VPS37A: variants seen among roughly 807,000 people sequenced by gnomAD.
VPS37A encodes vacuolar protein sorting-associated protein 37A.
A neutral mutation model predicts 49.8 loss-of-function variants in VPS37A; 30 were observed. That is an observed-to-expected ratio of 0.60 (90% CI 0.45 to 0.82). The LOEUF is 0.82. VPS37A is among the 40% of genes least tolerant of loss of function. The pLI is 0.00. For missense variants in VPS37A, 593 were observed against 464.4 expected (o/e 1.28, Z -2.55); for synonymous variants, 195 against 160.6 (o/e 1.21, Z -1.62).
downstream of VPS37A, chr8:17,305,829 A>T: frequency 6.2e-7 from 1 of 1,613,752 alleles, no homozygotes; most frequent in Non-Finnish European, 8.5e-7. Context: ...GTGATGTTGA[A>T]TGTGAATCAA....
the VPS37A span, among the ~76,000 whole-genome samples, chr8:17,323,893 A>G: frequency 1.3e-5 from 2 of 152,220 alleles, no homozygotes; most frequent in African/African-American, 2.4e-5. Context: ...AAAATCTGCC[A>G]TCTTGGTTAA....
the VPS37A span, among the ~76,000 whole-genome samples, chr8:17,315,717 A>G: frequency 2.0e-5 from 3 of 152,156 alleles, no homozygotes; most frequent in African/African-American, 7.2e-5. Flanking sequence ...AAAAAAAAAC[A>G]AAACAGAAAA....
At chr8:17,277,364 CT>C (rs1343096997) in intron 6 of VPS37A, among the ~76,000 whole-genome samples, 2 of 152,000 alleles carry the variant, frequency 1.3e-5, no homozygotes, top group African/African-American at 4.8e-5. Flanking sequence ...ATAAGATTAT[CT>C]TTTTTGCTTT....
downstream of VPS37A, among the ~76,000 whole-genome samples, chr8:17,304,818 T>C (rs150960712): frequency 3.8e-3 from 582 of 151,186 alleles, 1 homozygote; most frequent in Middle Eastern, 0.027. Flanking sequence ...TCATTGGACA[T>C]TTATAATTTG....
At chr8:17,279,775 G>A (rs781761846) in intron 6 of VPS37A, 6 of 529,162 alleles carry the variant, frequency 1.1e-5, no homozygotes, top group African/African-American at 7.6e-5. Context: ...AAAGAAAGTA[G>A]ATATATCGAT....
chr8:17,308,550 A>G, the VPS37A span, among the ~76,000 whole-genome samples: 1 of 152,244 alleles, frequency 6.6e-6, no homozygotes, highest in South Asian at 2.1e-4. Context: ...TTCTGAAAAT[A>G]TATATCAAAC....
chr8:17,299,926 T>C, downstream of VPS37A: 1 of 1,614,168 alleles, frequency 6.2e-7, no homozygotes, highest in Non-Finnish European at 8.5e-7. Context: ...ACTCGGTGCA[T>C]GCTCACCACC....
At chr8:17,256,211 T>C (rs982764661) in intron 1 of VPS37A, among the ~76,000 whole-genome samples, 1 of 151,898 alleles carries the variant, frequency 6.6e-6, no homozygotes, top group Non-Finnish European at 1.5e-5. Flanking sequence ...TATATCAGGG[T>C]TCCCCTGTCT....
chr8:17,306,028 A>C (rs1415439247), downstream of VPS37A: 124 of 1,309,552 alleles, frequency 9.5e-5, no homozygotes, highest in Non-Finnish European at 1.3e-4. Flanking sequence ...AAATGCAAAA[A>C]CAACCATAAA....
intron 1 of VPS37A, among the ~76,000 whole-genome samples, chr8:17,249,343 A>G (rs1811760221): frequency 6.6e-6 from 1 of 152,210 alleles, no homozygotes; most frequent in Non-Finnish European, 1.5e-5. Flanking sequence ...GGATACAGAA[A>G]GGATTCATTT....
intron 4 of VPS37A, chr8:17,272,096 A>G (rs1195762327): frequency 4.4e-6 from 2 of 456,452 alleles, no homozygotes; most frequent in African/African-American, 4.0e-5. Context: ...TATTGCATGC[A>G]GCAGTATTGG....
the VPS37A span, among the ~76,000 whole-genome samples, chr8:17,316,135 G>A: frequency 6.6e-6 from 1 of 152,114 alleles, no homozygotes; most frequent in Non-Finnish European, 1.5e-5. Flanking sequence ...CTAGCTATGT[G>A]GGCTTGGGCA....
intron 4 of VPS37A, among the ~76,000 whole-genome samples, chr8:17,270,926 G>A (rs777168707): frequency 1.3e-5 from 2 of 152,112 alleles, no homozygotes; most frequent in African/African-American, 2.4e-5. Flanking sequence ...TGAAGACAAC[G>A]GAATTAAAGA....
downstream of VPS37A, among the ~76,000 whole-genome samples, chr8:17,305,282 T>G (rs1288097287): frequency 1.3e-5 from 2 of 152,338 alleles, no homozygotes. Flanking sequence ...ATCACTTTGT[T>G]GTAAGTTTTT....
At chr8:17,270,145 A>G (rs1038658328) in intron 4 of VPS37A, among the ~76,000 whole-genome samples, 14 of 152,110 alleles carry the variant, frequency 9.2e-5, no homozygotes, top group Admixed American at 8.5e-4. Context: ...CATGAGAAAT[A>G]CACCCCCATG....
intron 1 of VPS37A, among the ~76,000 whole-genome samples, chr8:17,265,026 A>T (rs1470064417): frequency 6.6e-6 from 1 of 152,188 alleles, no homozygotes; most frequent in Non-Finnish European, 1.5e-5. Context: ...TGGCTAAAAC[A>T]AGATAAAAGT....
chr8:17,288,007 T>A (rs1323128305), intron 11 of VPS37A, among the ~76,000 whole-genome samples: 1 of 152,220 alleles, frequency 6.6e-6, no homozygotes, highest in Non-Finnish European at 1.5e-5. Context: ...TTTCTGCTCC[T>A]TGTAACATTA....
intron 1 of VPS37A, among the ~76,000 whole-genome samples, chr8:17,261,472 G>C (rs190918784): frequency 6.6e-6 from 1 of 152,300 alleles, no homozygotes; most frequent in African/African-American, 2.4e-5. Flanking sequence ...TCAGTCATTT[G>C]TTCTTTGTTT....
chr8:17,274,649 TTTG>T, intron 4 of VPS37A, 81 bp from the exon 5 acceptor site: 2 of 1,109,718 alleles, frequency 1.8e-6, no homozygotes, highest in Non-Finnish European at 2.6e-6. Flanking sequence ...GTACTTGACC[TTTG>T]TTATTTAGAA....
Sources: allele counts gnomAD v4.1 joint callset (sites outside exome capture counted in the v4.1 genomes callset), GRCh38; gene constraint gnomAD v4.1.1; transcripts MANE v1.5; gene names NCBI Gene and HGNC (gene_info 2026-07-23, HGNC 2026-07-21).